The following AP3S1 variants were observed in gnomAD, a reference collection of about 807,000 sequenced individuals.
AP3S1 encodes the protein adaptor related protein complex 3 subunit sigma 1, also known as AP-3 complex subunit sigma-1.
AP3S1 carries 12 observed loss-of-function variants against 21.3 expected under a neutral mutation model. The observed-to-expected ratio is 0.56, with a 90% confidence interval of 0.36 to 0.91. The LOEUF is 0.91. AP3S1 is among the 40% of genes least tolerant of loss of function. AP3S1 has a pLI of 0.01. For missense variants in AP3S1, 116 were observed against 225.0 expected (o/e 0.52, Z 3.10); for synonymous variants, 48 against 78.4 (o/e 0.61, Z 2.05).
chr5:115,867,685 A>C (rs1363909980), intron 2 of AP3S1, among the ~76,000 whole-genome samples: 1 of 152,180 alleles, frequency 6.6e-6, no homozygotes, highest in Non-Finnish European at 1.5e-5. Flanking sequence ...CTAATTTAAT[A>C]ATTGAGACAA....
chr5:115,890,033 C>G (rs965143058), intron 3 of AP3S1, among the ~76,000 whole-genome samples: 1 of 152,124 alleles, frequency 6.6e-6, no homozygotes, highest in African/African-American at 2.4e-5. Context: ...TACAGAAACT[C>G]TCATATACTG....
intron 3 of AP3S1, among the ~76,000 whole-genome samples, chr5:115,892,905 AT>A (rs1254564533): frequency 3.3e-5 from 5 of 152,204 alleles, no homozygotes; most frequent in African/African-American, 1.2e-4. Flanking sequence ...GCATGCCTGT[AT>A]CAAAACATCT....
intron 1 of AP3S1, among the ~76,000 whole-genome samples, chr5:115,855,019 A>ATATCTATCTATCTATCTATC (rs34447523): frequency 6.8e-6 from 1 of 147,442 alleles, no homozygotes; most frequent in Non-Finnish European, 1.5e-5. Context: ...TATATATTTT[A>ATATCTATCTATCTATCTATC]TATCTATCTA....
At chr5:115,890,715 C>G (rs890294548) in intron 3 of AP3S1, among the ~76,000 whole-genome samples, 1 of 152,136 alleles carries the variant, frequency 6.6e-6, no homozygotes, top group Non-Finnish European at 1.5e-5. Flanking sequence ...AATAAGTATT[C>G]AAATGATTTC....
chr5:115,891,225 G>A (rs10477546), intron 3 of AP3S1, among the ~76,000 whole-genome samples: 34,869 of 152,010 alleles, frequency 0.23, 4,538 homozygotes, highest in African/African-American at 0.33. Flanking sequence ...CTGTTGTAAA[G>A]GGAACATACA....
intron 5 of AP3S1, among the ~76,000 whole-genome samples, chr5:115,906,647 G>T (rs1751677635): frequency 6.6e-6 from 1 of 152,094 alleles, no homozygotes; most frequent in African/African-American, 2.4e-5. Flanking sequence ...AGGACTCCCT[G>T]GGGGTGGAGG....
intron 5 of AP3S1, 153 bp downstream of exon 5, chr5:115,903,145 A>T: frequency 1.8e-6 from 1 of 550,618 alleles, no homozygotes; most frequent in Non-Finnish European, 3.2e-6. Flanking sequence ...TACACGTAGT[A>T]TGCTAAAGGT....
rs556353042 is a variant in AP3S1 at position 115,867,867 on chromosome 5, A to G, written c.161+1106A>G. Among the ~76,000 whole-genome samples the G allele has an allele frequency of 2.7e-3, 414 of 152,302 alleles. 3 individuals are homozygous for G. Among genetic ancestry groups the G allele is most frequent in the African/African-American group, 9.3e-3 (387 of 41,578 alleles). ...ACTTGATTAATCTTACTAGGGTGCTATTTGAATTAGAAATTGTGGCTGGAA... is the reference window on the plus strand; with the variant it reads ...ACTTGATTAATCTTACTAGGGTGCTGTTTGAATTAGAAATTGTGGCTGGAA... On this transcript the variant is annotated intron_variant, in intron 2 of 5. Transcript: ENST00000316788.
Position 115,913,632 on chromosome 5 carries a change from T to C in AP3S1, c.*142T>C. The C allele has an allele frequency of 7.6e-7, 1 of 1,320,346 alleles. No homozygotes were observed. Among genetic ancestry groups the C allele is most frequent in the Non-Finnish European group, 1.0e-6 (1 of 979,814 alleles). The allele number at this position is 1,320,346 out of a possible 1,614,324, so 81.8% of individuals were successfully genotyped here. On this transcript the variant is annotated 3_prime_UTR_variant, in exon 6 of 6. Coordinates refer to ENST00000316788, the MANE Select transcript of AP3S1 (RefSeq NM_001284.4). The stretch of plus-strand genomic sequence containing the variant: ...GTCAAGGTACTGTATAGAAGTTGTG[T>C]AAAATCAGTATGAAAGTTCAATGTT...
intron 4 of AP3S1, among the ~76,000 whole-genome samples, chr5:115,897,761 A>G (rs1464052128): frequency 6.6e-6 from 1 of 151,856 alleles, no homozygotes; most frequent in Non-Finnish European, 1.5e-5. Flanking sequence ...ATGGTATTTC[A>G]CGGTGTTAGC....
intron 4 of AP3S1, among the ~76,000 whole-genome samples, chr5:115,899,527 A>G (rs1299693185): frequency 3.3e-5 from 5 of 152,176 alleles, no homozygotes; most frequent in African/African-American, 1.2e-4. Flanking sequence ...ACCTCAAGTG[A>G]TCCTCCTGCC....
At chr5:115,902,825 T>C in intron 4 of AP3S1, 60 bp from the exon 5 acceptor site, 1 of 1,227,790 alleles carries the variant, frequency 8.1e-7, no homozygotes, top group Non-Finnish European at 1.1e-6. Flanking sequence ...AAAAAGTGAA[T>C]CATGAAACTT....
At chr5:115,901,659 G>A (rs1389583692) in intron 4 of AP3S1, among the ~76,000 whole-genome samples, 1 of 151,510 alleles carries the variant, frequency 6.6e-6, no homozygotes, top group East Asian at 1.9e-4. Flanking sequence ...GGCTCAGGCA[G>A]TCCTCCTGGG....
chr5:115,877,190 A>G (rs781781829), intron 3 of AP3S1, among the ~76,000 whole-genome samples: 5 of 151,908 alleles, frequency 3.3e-5, no homozygotes, highest in South Asian at 2.1e-4. Flanking sequence ...TGTAATATAT[A>G]TATATTTTTA....
intron 1 of AP3S1, among the ~76,000 whole-genome samples, chr5:115,845,640 T>A: frequency 6.6e-6 from 1 of 151,570 alleles, no homozygotes; most frequent in East Asian, 1.9e-4. Context: ...TCAAGACCAG[T>A]GTGGCCAACA....
chr5:115,855,885 T>G (rs1379715687), intron 1 of AP3S1, among the ~76,000 whole-genome samples: 1 of 152,094 alleles, frequency 6.6e-6, no homozygotes, highest in Non-Finnish European at 1.5e-5. Flanking sequence ...GAGATGACAT[T>G]GACTATGATT....
chr5:115,847,185 C>G (rs1444086327), intron 1 of AP3S1, among the ~76,000 whole-genome samples: 1 of 152,066 alleles, frequency 6.6e-6, no homozygotes, highest in African/African-American at 2.4e-5. Flanking sequence ...TAATCAACAT[C>G]CAACTTTGGA....
chr5:115,889,263 T>C (rs547967451), intron 3 of AP3S1, among the ~76,000 whole-genome samples: 1 of 152,238 alleles, frequency 6.6e-6, no homozygotes, highest in South Asian at 2.1e-4. Flanking sequence ...AAAGTATGAC[T>C]GCAACATATA....
chr5:115,897,854 G>A (rs1750888581), intron 4 of AP3S1, among the ~76,000 whole-genome samples: 1 of 152,096 alleles, frequency 6.6e-6, no homozygotes, highest in Admixed American at 6.5e-5. Flanking sequence ...GAGCCACCAC[G>A]CCCGGCCACA....
Sources: gnomAD v4.1 joint callset for allele counts (sites outside exome capture counted in the v4.1 genomes callset) on GRCh38, gnomAD v4.1.1 for gene constraint, MANE v1.5 for transcripts, NCBI Gene and HGNC (gene_info 2026-07-23, HGNC 2026-07-21) for gene names.